MCMDC2: variants seen among roughly 807,000 people sequenced by gnomAD.
MCMDC2 encodes the protein minichromosome maintenance domain containing 2.
MCMDC2 carries 54 observed loss-of-function variants against 75.8 expected under a neutral mutation model. The observed-to-expected ratio is 0.71, with a 90% CI of 0.57 to 0.89. The LOEUF (loss-of-function observed/expected upper bound fraction) is 0.89, where lower values mean the gene tolerates loss of function less well. MCMDC2 is among the 40% of genes least tolerant of loss of function. MCMDC2 has a pLI of 0.00. For missense variants in MCMDC2, 656 were observed against 780.4 expected (o/e 0.84, Z 1.90); for synonymous variants, 249 against 274.6 (o/e 0.91, Z 0.92).
chr8:66,896,675 A>C (rs1170486569), intron 11 of MCMDC2, 105 bp from the exon 12 acceptor site: 10 of 797,834 alleles, frequency 1.3e-5, no homozygotes, highest in Non-Finnish European at 1.7e-5. Context: ...ATAAATAATA[A>C]CTTTAATAAT....
intron 1 of MCMDC2, among the ~76,000 whole-genome samples, chr8:66,873,518 C>T (rs1303470966): frequency 6.6e-6 from 1 of 152,132 alleles, no homozygotes; most frequent in African/African-American, 2.4e-5. Context: ...TTTGGGAGTA[C>T]CTCTGTTAAG....
At chr8:66,911,497 C>T (rs746924509) in intron 14 of MCMDC2, among the ~76,000 whole-genome samples, 22 of 152,132 alleles carry the variant, frequency 1.4e-4, no homozygotes, top group African/African-American at 4.6e-4. Context: ...TGGACTAGTA[C>T]GGTGACTATT....
chr8:66,871,333 A>T (rs1811007239), intron 1 of MCMDC2, among the ~76,000 whole-genome samples: 1 of 152,102 alleles, frequency 6.6e-6, no homozygotes, highest in South Asian at 2.1e-4. Flanking sequence ...CATGTCCTTA[A>T]CACTTCTCCT....
intron 7 of MCMDC2, among the ~76,000 whole-genome samples, chr8:66,879,609 C>A (rs1811468182): frequency 6.6e-6 from 1 of 152,058 alleles, no homozygotes; most frequent in South Asian, 2.1e-4. Context: ...GAAAAAAAAG[C>A]AATTGACTTG....
At position 66,874,053 on chromosome 8, in the gene MCMDC2, G is replaced by T; in HGVS notation, c.-88G>T. The T allele has an allele frequency of 1.2e-6, 1 of 813,748 alleles. No individual in the cohort carries two copies. The highest frequency in any genetic ancestry group is 1.8e-6 in the Non-Finnish European group (1 of 541,570). The allele number at this position is 813,748 out of a possible 1,614,324, so 50.4% of individuals were successfully genotyped here. On this transcript the variant is annotated splice_region_variant and 5_prime_UTR_variant, in exon 2 of 15. Coordinates refer to ENST00000422365, the MANE Select transcript of MCMDC2 (RefSeq NM_173518.5). Reference sequence around the variant, plus strand: ...AAAATAAAATTAATTTTATTTCTAGGTTTTCACATCCTTTCTATGAGTTTC... The same window carrying T: ...AAAATAAAATTAATTTTATTTCTAGTTTTTCACATCCTTTCTATGAGTTTC...
chr8:66,879,516 C>T (rs1321625451), intron 7 of MCMDC2, among the ~76,000 whole-genome samples: 1 of 151,992 alleles, frequency 6.6e-6, no homozygotes, highest in East Asian at 1.9e-4. Context: ...TCACTTGAAC[C>T]CGGGAGGCAG....
intron 13 of MCMDC2, among the ~76,000 whole-genome samples, 188 bp from the exon 14 acceptor site, chr8:66,905,038 T>C (rs1812849387): frequency 6.6e-6 from 1 of 152,190 alleles, no homozygotes; most frequent in Non-Finnish European, 1.5e-5. Context: ...TACTGGCTTG[T>C]TCTGGAACAG....
At chr8:66,881,655 C>T (rs1811569014) in intron 8 of MCMDC2, among the ~76,000 whole-genome samples, 1 of 151,914 alleles carries the variant, frequency 6.6e-6, no homozygotes, top group Non-Finnish European at 1.5e-5. Flanking sequence ...CACTGTATTC[C>T]AGCCTGAGTG....
At chr8:66,905,782 G>A (rs1812882111) in intron 14 of MCMDC2, among the ~76,000 whole-genome samples, 1 of 152,008 alleles carries the variant, frequency 6.6e-6, no homozygotes, top group African/African-American at 2.4e-5. Context: ...CGAGACAGAT[G>A]GATCACAAGG....
chr8:66,886,774 C>CAA (rs762641173), intron 9 of MCMDC2, among the ~76,000 whole-genome samples: 1 of 105,242 alleles, frequency 9.5e-6, no homozygotes, highest in Non-Finnish European at 2.0e-5. Flanking sequence ...GACTCAGTCT[C>CAA]AAAAAAAAAA....
At position 66,874,561 on chromosome 8, in the gene MCMDC2, T is replaced by TGG. The variant is rs779419308; in HGVS notation, c.260_261insGG (p.Ile87MetfsTer13). Reference sequence around the variant, plus strand: ...ATTGCTGTTAAGACTCTCTCATTAATTGGACAATTGCAGACTGAAACGCAA... The same window carrying TGG: ...ATTGCTGTTAAGACTCTCTCATTAATGGTGGACAATTGCAGACTGAAACGCAA... On this transcript the variant is annotated frameshift_variant, in exon 4 of 15. Coordinates refer to ENST00000422365, the MANE Select transcript of MCMDC2 (RefSeq NM_173518.5). LOFTEE classifies it high-confidence loss of function. The TGG allele has an allele frequency of 1.2e-5, 20 of 1,612,798 alleles. No individual in the cohort carries two copies. The highest frequency in any genetic ancestry group is 1.7e-5 in the Admixed American group (1 of 59,958).
chr8:66,889,851 C>T (rs1343702447), intron 9 of MCMDC2, among the ~76,000 whole-genome samples: 1 of 151,882 alleles, frequency 6.6e-6, no homozygotes, highest in Admixed American at 6.6e-5. Context: ...TCAAACAGAA[C>T]AAAAGAAAAC....
chr8:66,910,800 A>C (rs1053941293), intron 14 of MCMDC2, among the ~76,000 whole-genome samples: 14 of 149,272 alleles, frequency 9.4e-5, no homozygotes, highest in Non-Finnish European at 1.3e-4. Flanking sequence ...CAAGAGCAAA[A>C]CTCCATCTCA....
At chr8:66,922,338 CAGA>C (rs1487409524), downstream of MCMDC2, 185 of 304,266 alleles carry the variant, frequency 6.1e-4, no homozygotes, top group African/African-American at 3.4e-3. Context: ...GGTAACGAAG[CAGA>C]AGTATTTTTA....
At chr8:66,902,345 A>G (rs571622418) in intron 13 of MCMDC2, among the ~76,000 whole-genome samples, 1 of 151,258 alleles carries the variant, frequency 6.6e-6, no homozygotes, top group Non-Finnish European at 1.5e-5. Flanking sequence ...GCACCTAGAT[A>G]TGCCACTTTA....
intron 8 of MCMDC2, among the ~76,000 whole-genome samples, chr8:66,883,287 G>A (rs765715813): frequency 2.6e-5 from 4 of 152,110 alleles, no homozygotes; most frequent in Non-Finnish European, 2.9e-5. Flanking sequence ...CTCTCTGAAG[G>A]TGATACATAG....
Position 66,896,169 on chromosome 8 carries a change from G to T in MCMDC2, c.1280-1G>T. The T allele has an allele frequency of 1.2e-6, 2 of 1,603,074 alleles. No individual in the cohort carries two copies. Among genetic ancestry groups the T allele is most frequent in the South Asian group, 2.3e-5 (2 of 87,670 alleles). ...CAAATGGATAATGTCTTCTGACTTAGTTCTGGAGAGCAGAAGCATCACAGT... is the reference window on the plus strand; with the variant it reads ...CAAATGGATAATGTCTTCTGACTTATTTCTGGAGAGCAGAAGCATCACAGT... On this transcript the variant is annotated splice_acceptor_variant, in intron 10 of 14. Coordinates refer to ENST00000422365, the MANE Select transcript of MCMDC2 (RefSeq NM_173518.5). LOFTEE classifies it high-confidence loss of function.
At chr8:66,904,954 T>C in intron 13 of MCMDC2, among the ~76,000 whole-genome samples, 1 of 152,128 alleles carries the variant, frequency 6.6e-6, no homozygotes, top group East Asian at 1.9e-4. Context: ...TTCCCAACTG[T>C]GTATTTATCT....
intron 11 of MCMDC2, 100 bp downstream of exon 11, chr8:66,896,436 CT>C: frequency 8.9e-7 from 1 of 1,120,698 alleles, no homozygotes; most frequent in Non-Finnish European, 1.2e-6. Context: ...TGTTTCTATA[CT>C]TTATTGAGTA....
Sources: allele counts gnomAD v4.1 joint callset (sites outside exome capture counted in the v4.1 genomes callset), GRCh38; gene constraint gnomAD v4.1.1; transcripts MANE v1.5; gene names NCBI Gene and HGNC (gene_info 2026-07-23, HGNC 2026-07-21).